RCAN1: variants seen among roughly 807,000 people sequenced by gnomAD.
RCAN1 encodes the protein regulator of calcineurin 1.
RCAN1 carries 11 observed loss-of-function variants against 22.9 expected under a neutral mutation model. The ratio of observed to expected loss-of-function variants is 0.48; its 90% CI spans 0.30 to 0.79. RCAN1 has a LOEUF of 0.79. Ranked by LOEUF, RCAN1 falls within the 30% of genes least tolerant of loss-of-function variation. RCAN1 has a pLI of 0.06. For missense variants in RCAN1, 291 were observed against 337.8 expected, an observed-to-expected ratio of 0.86 and a Z score of 1.09; for synonymous variants, 136 against 142.3, an observed-to-expected ratio of 0.96 and a Z score of 0.32.
chr21:34,533,770 G>A (rs13052844), intron 1 of RCAN1, among the ~76,000 whole-genome samples: 55,360 of 152,120 alleles, frequency 0.36, 11,211 homozygotes, highest in African/African-American at 0.56. Flanking sequence ...AAGCAAGCCC[G>A]GCCAGGGAAG....
intron 1 of RCAN1, among the ~76,000 whole-genome samples, chr21:34,599,292 T>C (rs1568930282): frequency 6.6e-6 from 1 of 152,132 alleles, no homozygotes; most frequent in East Asian, 1.9e-4. Context: ...TAATCATGAA[T>C]CATCAGGGAG....
chr21:34,567,158 A>C (rs970169666), intron 1 of RCAN1, among the ~76,000 whole-genome samples: 2 of 152,148 alleles, frequency 1.3e-5, no homozygotes, highest in Non-Finnish European at 2.9e-5. Flanking sequence ...AGACACAAAC[A>C]AAATGCTTCA....
intron 1 of RCAN1, chr21:34,613,991 T>G: frequency 1.4e-6 from 1 of 708,812 alleles, no homozygotes. Flanking sequence ...AACTGCAGAT[T>G]TGAAATAAAT....
rs552512131 is a variant in RCAN1, at chr21:34,529,200, C to CA, written c.253-5491dup. 1.5e-3 allele frequency among the ~76,000 whole-genome samples: 229 copies of CA among 152,192 alleles called. 2 individuals carry two copies. The highest frequency in any genetic ancestry group is 4.9e-3 in the African/African-American group (204 of 41,528). ...GGAGACTGGAATGCATGTTCTCTGG[C>CA]AAAAAAATCACTGGTTCACAAATTG... On this transcript the variant is annotated intron_variant, in intron 1 of 3. Coordinates refer to ENST00000313806, the MANE Select transcript of RCAN1 (RefSeq NM_004414.7).
chr21:34,526,850 T>A, intron 1 of RCAN1: 1 of 1,494,974 alleles, frequency 6.7e-7, no homozygotes, highest in Admixed American at 2.7e-5. Context: ...CTGGTGCTTA[T>A]AAAGCAGTAA....
chr21:34,519,902 T>G (rs1984376431), intron 3 of RCAN1, among the ~76,000 whole-genome samples: 1 of 152,178 alleles, frequency 6.6e-6, no homozygotes, highest in Non-Finnish European at 1.5e-5. Context: ...TTATTATAAC[T>G]GCACTGAAAA....
intron 1 of RCAN1, among the ~76,000 whole-genome samples, chr21:34,568,526 C>T (rs917304835): frequency 6.6e-6 from 1 of 152,182 alleles, no homozygotes; most frequent in South Asian, 2.1e-4. Flanking sequence ...GTGTTTGTGC[C>T]ACCTTGGTTC....
At chr21:34,553,264 C>T (rs1568904440) in intron 1 of RCAN1, among the ~76,000 whole-genome samples, 2 of 152,168 alleles carry the variant, frequency 1.3e-5, no homozygotes, top group Non-Finnish European at 2.9e-5. Flanking sequence ...TCCATTCCAG[C>T]TGATAGTAGG....
At chr21:34,586,935 C>A (rs1359925420) in intron 1 of RCAN1, among the ~76,000 whole-genome samples, 3 of 149,924 alleles carry the variant, frequency 2.0e-5, no homozygotes, top group African/African-American at 7.4e-5. Flanking sequence ...GCCTGAGCAA[C>A]AAGAGTGAAA....
At chr21:34,612,507 C>T (rs1252122184) in intron 1 of RCAN1, among the ~76,000 whole-genome samples, 1 of 152,212 alleles carries the variant, frequency 6.6e-6, no homozygotes, top group Non-Finnish European at 1.5e-5. Context: ...CTACTAACTC[C>T]TCTGTGTAAG....
intron 1 of RCAN1, among the ~76,000 whole-genome samples, chr21:34,581,269 A>G (rs1987598242): frequency 6.6e-6 from 1 of 152,172 alleles, no homozygotes; most frequent in Non-Finnish European, 1.5e-5. Flanking sequence ...TCCCTATTCC[A>G]ACATCCCAGC....
chr21:34,545,939 A>C (rs1986116529), intron 1 of RCAN1, among the ~76,000 whole-genome samples: 1 of 152,252 alleles, frequency 6.6e-6, no homozygotes, highest in African/African-American at 2.4e-5. Context: ...GACCTCTTTT[A>C]ATACAGAGCT....
Position 34,543,732 on chromosome 21 carries a change from AG to A in RCAN1, c.253-20023del, listed in dbSNP as rs557928587. Among the ~76,000 whole-genome samples, 535 of 152,300 alleles carry A rather than the reference AG, an allele frequency of 3.5e-3. 3 individuals carry two copies. The highest frequency in any genetic ancestry group is 0.012 in the African/African-American group (502 of 41,566). On this transcript the variant is annotated intron_variant, in intron 1 of 3. Transcript: ENST00000313806. ...TCTTCTTCTCCTGACTTAGGCTTCG[AG>A]GGATGACATTTTCTTTTTAATCCTA...
In RCAN1 at chr21:34,574,990, T is replaced by A. The variant is rs145828189; in HGVS notation, c.252+39770A>T. Among the ~76,000 whole-genome samples, 3 of 150,034 alleles carry A rather than the reference T, an allele frequency of 2.0e-5. No homozygotes were observed. The East Asian group carries it at 5.9e-4, about 30-fold the overall frequency. ...TGTTAATCACCTAAATGTCAACGCA[T>A]GGCTGATGGAGGCAGAACTGCACGG... On this transcript the variant is annotated intron_variant, in intron 1 of 3. Coordinates refer to ENST00000313806, the MANE Select transcript of RCAN1 (RefSeq NM_004414.7).
intron 1 of RCAN1, among the ~76,000 whole-genome samples, chr21:34,554,685 A>G (rs1439572165): frequency 6.6e-6 from 1 of 152,250 alleles, no homozygotes; most frequent in Non-Finnish European, 1.5e-5. Context: ...AGTTTAGATA[A>G]ATAGATGTAT....
At chr21:34,539,693 T>C (rs1434012225) in intron 1 of RCAN1, among the ~76,000 whole-genome samples, 1 of 152,250 alleles carries the variant, frequency 6.6e-6, no homozygotes, top group East Asian at 1.9e-4. Context: ...TGTTTTTGTG[T>C]AGTGGTTTGG....
At chr21:34,549,971 G>T (rs185708499) in intron 1 of RCAN1, among the ~76,000 whole-genome samples, 46 of 152,232 alleles carry the variant, frequency 3.0e-4, no homozygotes, top group Non-Finnish European at 5.7e-4. Context: ...GTGCCTGCTG[G>T]TGGTGGCAGT....
At chr21:34,530,174 A>C (rs1483773981) in intron 1 of RCAN1, among the ~76,000 whole-genome samples, 2 of 152,240 alleles carry the variant, frequency 1.3e-5, no homozygotes, top group East Asian at 1.9e-4. Context: ...TGAACCCAGA[A>C]GTTAAAGTAA....
At chr21:34,542,612 G>A (rs1568897167) in intron 1 of RCAN1, among the ~76,000 whole-genome samples, 1 of 152,210 alleles carries the variant, frequency 6.6e-6, no homozygotes. Context: ...TGTGCAAACT[G>A]CAGATTCACA....
Sources: gnomAD v4.1 joint callset for allele counts (sites outside exome capture counted in the v4.1 genomes callset) on GRCh38, gnomAD v4.1.1 for gene constraint, MANE v1.5 for transcripts, NCBI Gene and HGNC (gene_info 2026-07-23, HGNC 2026-07-21) for gene names.